Variants in EIF4E3 observed in about 807,000 individuals in gnomAD.
EIF4E3 encodes eukaryotic translation initiation factor 4E type 3.
EIF4E3 carries 26 observed loss-of-function variants against 31.7 expected under a neutral mutation model. The observed-to-expected ratio is 0.82, with a 90% CI of 0.60 to 1.14. The LOEUF (loss-of-function observed/expected upper bound fraction) is 1.14. Among genes scored for constraint, EIF4E3 ranks in the 50% most tolerant of loss-of-function variants. The pLI is 0.00. For missense variants in EIF4E3, 304 were observed against 270.9 expected (o/e 1.12, Z -0.86); for synonymous variants, 128 against 107.7 (o/e 1.19, Z -1.17).
rs1240444566 is a variant in EIF4E3, at chr3:71,682,927, A to C, written c.*1755T>G. 6.6e-6 allele frequency: 1 copy of C among 152,412 alleles called. No homozygotes were observed. The highest frequency in any genetic ancestry group is 2.4e-5 in the African/African-American group (1 of 41,452). The allele number at this position is 152,412 out of a possible 1,614,324, so 9.4% of individuals were successfully genotyped here. ...CAGAAAAATACTTATATTATAAAAA[A>C]GTTTTAATTCATGTCCAGAATAATT... On this transcript the variant is annotated 3_prime_UTR_variant, in exon 7 of 7. Transcript: ENST00000425534.
chr3:71,686,935 C>T (rs547434114), intron 6 of EIF4E3, among the ~76,000 whole-genome samples: 131 of 152,274 alleles, frequency 8.6e-4, no homozygotes, highest in African/African-American at 2.8e-3. Flanking sequence ...CAAACATTTT[C>T]AGGAAAAGGA....
chr3:71,704,327 A>C (rs368889412), intron 2 of EIF4E3, among the ~76,000 whole-genome samples: 1 of 152,198 alleles, frequency 6.6e-6, no homozygotes, highest in Non-Finnish European at 1.5e-5. Context: ...AAGATTGGGG[A>C]TGCCTAGACC....
downstream of EIF4E3, among the ~76,000 whole-genome samples, chr3:71,674,058 G>T (rs954559746): frequency 9.3e-5 from 7 of 75,442 alleles, no homozygotes; most frequent in Admixed American, 1.6e-4. Flanking sequence ...GTGAGAATTT[G>T]TTCAGCCTCT....
intron 3 of EIF4E3, among the ~76,000 whole-genome samples, chr3:71,699,268 A>T (rs35269191): frequency 6.6e-6 from 1 of 151,998 alleles, no homozygotes; most frequent in East Asian, 1.9e-4. Context: ...AACAAAAAAA[A>T]CCCCACAAAA....
rs766963638 is a variant in EIF4E3 at position 71,696,558 on chromosome 3, C to T, written c.345-38G>A. On this transcript the variant is annotated intron_variant, in intron 3 of 6. Coordinates refer to ENST00000425534, the MANE Select transcript of EIF4E3 (RefSeq NM_001134651.2). ...CCAACGTTTAAAGTTACACTCAGGA[C>T]TAAGTGATTCTACATACAGTTAGAT... The T allele has an allele frequency of 4.4e-6, 7 of 1,608,362 alleles. No homozygotes were observed. In the Admixed American group the frequency reaches 5.0e-5, roughly 12 times the overall value.
intron 3 of EIF4E3, among the ~76,000 whole-genome samples, chr3:71,698,201 G>A (rs560663465): frequency 2.0e-5 from 3 of 152,304 alleles, no homozygotes; most frequent in South Asian, 2.1e-4. Context: ...AGGAGCTAGC[G>A]ATTGAGAGGG....
intron 2 of EIF4E3, 34 bp from the exon 3 acceptor site, chr3:71,699,742 A>G: frequency 6.5e-7 from 1 of 1,535,628 alleles, no homozygotes; most frequent in East Asian, 2.3e-5. Context: ...TGTTTAATAT[A>G]CCCAGTATTG....
the EIF4E3 span, among the ~76,000 whole-genome samples, chr3:71,661,773 C>G: frequency 6.6e-6 from 1 of 152,300 alleles, no homozygotes; most frequent in East Asian, 1.9e-4. Context: ...CAACAGGTCA[C>G]TTAACCACTC....
At chr3:71,737,825 G>C (rs1248044298) in intron 1 of EIF4E3, among the ~76,000 whole-genome samples, 1 of 151,834 alleles carries the variant, frequency 6.6e-6, no homozygotes, top group Non-Finnish European at 1.5e-5. Flanking sequence ...TTTTTTCATA[G>C]GAAATCATAC....
intron 6 of EIF4E3, 44 bp downstream of exon 6, chr3:71,689,966 G>A: frequency 1.3e-6 from 2 of 1,508,010 alleles, no homozygotes; most frequent in Non-Finnish European, 1.8e-6. Context: ...TTAAAAGTAT[G>A]ATAGAGTAAG....
At chr3:71,696,102 GA>G (rs1184096381) in intron 4 of EIF4E3, among the ~76,000 whole-genome samples, 2 of 152,212 alleles carry the variant, frequency 1.3e-5, no homozygotes, top group Non-Finnish European at 2.9e-5. Flanking sequence ...CCTTTGGAAG[GA>G]AAGATCCTGC....
At chr3:71,725,510 CGCCGCCT>C (rs1559608442), upstream of EIF4E3, 1 of 311,668 alleles carries the variant, frequency 3.2e-6, no homozygotes, top group South Asian at 1.1e-4. The surrounding 1 kb of genome is among the most constrained non-coding windows in gnomAD (Gnocchi z 6.1). Flanking sequence ...GCCCGCCGCC[CGCCGCCT>C]TCAGGGCCTG....
chr3:71,674,070 AAACATTTTCATC>A, downstream of EIF4E3, among the ~76,000 whole-genome samples: 1 of 141,580 alleles, frequency 7.1e-6, no homozygotes, highest in East Asian at 2.0e-4. Context: ...TCAGCCTCTA[AAACATTTTCATC>A]AACTGTACTT....
At position 71,684,589 on chromosome 3, in the gene EIF4E3, C is replaced by T. The variant is rs1361398778; in HGVS notation, c.*93G>A. ...AAACCCACTCTAAATTGACCAGCATCGGCTTCGGCAAGTCTTCTCTTCACT... is the reference window on the plus strand; with the variant it reads ...AAACCCACTCTAAATTGACCAGCATTGGCTTCGGCAAGTCTTCTCTTCACT... On this transcript the variant is annotated 3_prime_UTR_variant, in exon 7 of 7. Transcript: ENST00000425534. The T allele has an allele frequency of 1.2e-5, 18 of 1,502,848 alleles. No homozygotes were observed. The highest frequency in any genetic ancestry group is 1.7e-5 in the Admixed American group (1 of 57,604). 93.1% of individuals were successfully genotyped at this position (1,502,848 alleles called of 1,614,324 possible).
chr3:71,738,978 GTATATATATATATA>G (rs56982495), intron 1 of EIF4E3, among the ~76,000 whole-genome samples: 1,685 of 95,808 alleles, frequency 0.018, 216 homozygotes, highest in African/African-American at 0.077. Flanking sequence ...AAATTGAACA[GTATATATATATATA>G]TATATATATA....
At chr3:71,731,521 A>C (rs957803318) in intron 1 of EIF4E3, among the ~76,000 whole-genome samples, 1 of 152,098 alleles carries the variant, frequency 6.6e-6, no homozygotes, top group East Asian at 1.9e-4. Context: ...ATCCAGTCCA[A>C]GTGGGGAGGG....
the EIF4E3 span, among the ~76,000 whole-genome samples, chr3:71,663,011 A>G: frequency 1.3e-5 from 2 of 152,168 alleles, no homozygotes; most frequent in Non-Finnish European, 2.9e-5. Flanking sequence ...TGTTTACAGC[A>G]AGGAAGCGTT....
chr3:71,729,798 A>ATGTGTGTGTG (rs3066626), upstream of EIF4E3, among the ~76,000 whole-genome samples: 12,957 of 129,550 alleles, frequency 0.1, 889 homozygotes, highest in East Asian at 0.2. Context: ...TTCCAATAGA[A>ATGTGTGTGTG]TGTGTGTGTG....
Position 71,696,141 on chromosome 3 carries a change from A to T in EIF4E3, c.405+319T>A, listed in dbSNP as rs568510035. ...CCGACTTTGTAAAACCATATGCAAC[A>T]TGTTGGTCATGGCTGTCAAGGGAAT... On this transcript the variant is annotated intron_variant, in intron 4 of 6. Transcript: ENST00000425534. 3.3e-5 allele frequency among the ~76,000 whole-genome samples: 5 copies of T among 152,314 alleles called. No homozygotes were observed. In the South Asian group the frequency reaches 1.0e-3, roughly 32 times the overall value.
Sources: allele counts gnomAD v4.1 joint callset (sites outside exome capture counted in the v4.1 genomes callset), GRCh38; gene constraint gnomAD v4.1.1; non-coding constraint Gnocchi (gnomAD v3.1); transcripts MANE v1.5; gene names NCBI Gene and HGNC (gene_info 2026-07-23, HGNC 2026-07-21).